Variants in SLC9A2 observed in about 807,000 individuals in gnomAD.
SLC9A2 encodes the protein sodium/hydrogen exchanger 2.
A neutral mutation model predicts 71.7 loss-of-function variants in SLC9A2; 42 were observed. The ratio of observed to expected loss-of-function variants is 0.59; its 90% CI spans 0.46 to 0.76. The LOEUF (loss-of-function observed/expected upper bound fraction) is 0.76, where lower values mean the gene tolerates loss of function less well. SLC9A2 is among the 30% of genes least tolerant of loss of function. The probability of loss-of-function intolerance (pLI) is 0.00; values close to 1 mark genes in which losing one functional copy is unlikely to be tolerated. For synonymous variants in SLC9A2, 396 were observed against 392.5 expected (o/e 1.01, Z -0.10); for missense variants, 829 against 1,017.4 (o/e 0.81, Z 2.52).
chr2:102,686,163 C>T (rs1296291063), intron 5 of SLC9A2, among the ~76,000 whole-genome samples: 1 of 152,154 alleles, frequency 6.6e-6, no homozygotes, highest in African/African-American at 2.4e-5. Flanking sequence ...ATTCATTTAA[C>T]CCTCATAACA....
intron 7 of SLC9A2, among the ~76,000 whole-genome samples, chr2:102,696,623 G>A (rs1290379486): frequency 6.6e-6 from 1 of 152,198 alleles, no homozygotes; most frequent in Non-Finnish European, 1.5e-5. Flanking sequence ...GGGTGTGTGA[G>A]AGAGAGACCA....
At chr2:102,661,108 T>A (rs1268559023) in intron 2 of SLC9A2, among the ~76,000 whole-genome samples, 1 of 152,100 alleles carries the variant, frequency 6.6e-6, no homozygotes, top group African/African-American at 2.4e-5. Flanking sequence ...TTGAAAAAAA[T>A]AAACGTGTGA....
chr2:102,669,563 G>T (rs575648220), intron 3 of SLC9A2, among the ~76,000 whole-genome samples: 1 of 152,228 alleles, frequency 6.6e-6, no homozygotes, highest in East Asian at 1.9e-4. Flanking sequence ...CAATAGCATT[G>T]GACACCTTTG....
Position 102,672,232 on chromosome 2 carries a change from T to C in SLC9A2, c.1004+6882T>C, listed in dbSNP as rs967327214. On this transcript the variant is annotated intron_variant, in intron 3 of 11. Coordinates refer to ENST00000233969, the MANE Select transcript of SLC9A2 (RefSeq NM_003048.6). ...TACTGATTTGATGTTGAAATGACAA[T>C]GTATTAGACATGTTGAGTTACATAA... Among the ~76,000 whole-genome samples the C allele has an allele frequency of 6.6e-5, 10 of 152,190 alleles. 1 individual carries two copies. The highest frequency in any genetic ancestry group is 1.9e-4 in the East Asian group (1 of 5,198).
intron 1 of SLC9A2, among the ~76,000 whole-genome samples, chr2:102,632,351 GAGACTTAAGCC>G (rs1676391620): frequency 6.7e-6 from 1 of 149,178 alleles, no homozygotes; most frequent in Non-Finnish European, 1.5e-5. Flanking sequence ...TACAGCAAAA[GAGACTTAAGCC>G]AAGAGAAGCA....
chr2:102,658,572 T>C (rs948798510), intron 2 of SLC9A2, among the ~76,000 whole-genome samples: 2 of 151,506 alleles, frequency 1.3e-5, no homozygotes, highest in Non-Finnish European at 1.5e-5. Context: ...TGTCACACGC[T>C]CACTGCTCAC....
At chr2:102,665,901 T>G (rs2104526371) in intron 3 of SLC9A2, among the ~76,000 whole-genome samples, 1 of 151,972 alleles carries the variant, frequency 6.6e-6, no homozygotes, top group Non-Finnish European at 1.5e-5. Context: ...TTAAACATTC[T>G]TCTGGGTCTC....
chr2:102,687,988 C>A (rs1326510086), intron 5 of SLC9A2, among the ~76,000 whole-genome samples: 1 of 152,046 alleles, frequency 6.6e-6, no homozygotes, highest in African/African-American at 2.4e-5. Context: ...CTGTGTTCGC[C>A]AGGCTGGTCT....
chr2:102,684,476 G>T (rs1442800255), intron 5 of SLC9A2, 140 bp downstream of exon 5: 2 of 804,450 alleles, frequency 2.5e-6, no homozygotes, highest in Non-Finnish European at 4.1e-6. Context: ...TCCTGTCTGG[G>T]TTCATGTCAC....
chr2:102,701,148 A>G lies in SLC9A2; in HGVS notation c.1665A>G (p.Leu555=). ...AACCAAAGTCAAGTATTGTATCTTT[A>G]TATAAAAAGCTTGAAATAAAACATG... ...ENQPKSSIVS[L]YKKLEIKHAI... is the part of the protein sequence containing the mutation. Residue 555 remains leucine (L), a synonymous_variant, in exon 8 of 12, where the codon TTA becomes TTG. Coordinates refer to ENST00000233969, the MANE Select transcript of SLC9A2 (RefSeq NM_003048.6). 1 of 1,611,796 alleles carries G rather than the reference A, an allele frequency of 6.2e-7. No individual in the cohort carries two copies. Among genetic ancestry groups the G allele is most frequent in the Non-Finnish European group, 8.5e-7 (1 of 1,178,904 alleles).
At chr2:102,652,071 T>C (rs1037060874) in intron 1 of SLC9A2, among the ~76,000 whole-genome samples, 4 of 152,188 alleles carry the variant, frequency 2.6e-5, no homozygotes, top group African/African-American at 4.8e-5. Context: ...CATTTGAAAG[T>C]TGGGCTGTTC....
At chr2:102,639,420 G>A (rs1404716713) in intron 1 of SLC9A2, among the ~76,000 whole-genome samples, 2 of 152,118 alleles carry the variant, frequency 1.3e-5, no homozygotes, top group East Asian at 1.9e-4. Context: ...AACATTTGTC[G>A]AGTTGCCTTT....
intron 1 of SLC9A2, among the ~76,000 whole-genome samples, chr2:102,627,232 G>A (rs1173579509): frequency 6.6e-6 from 1 of 152,178 alleles, no homozygotes; most frequent in Non-Finnish European, 1.5e-5. Context: ...AGGATCACTT[G>A]AGCTCAGGAG....
intron 3 of SLC9A2, 126 bp downstream of exon 3, chr2:102,665,476 T>C (rs1413183626): frequency 1.1e-5 from 13 of 1,170,598 alleles, no homozygotes; most frequent in Non-Finnish European, 1.4e-5. Context: ...TTAAGAAAAA[T>C]TAAAAATAGA....
At chr2:102,630,790 G>A (rs1676341282) in intron 1 of SLC9A2, among the ~76,000 whole-genome samples, 1 of 151,628 alleles carries the variant, frequency 6.6e-6, no homozygotes, top group East Asian at 1.9e-4. Context: ...TCATGCTGTT[G>A]CATTACGTAA....
intron 1 of SLC9A2, among the ~76,000 whole-genome samples, chr2:102,635,509 T>C (rs1023227869): frequency 2.6e-5 from 4 of 152,246 alleles, no homozygotes; most frequent in African/African-American, 9.6e-5. Context: ...TTTGCTTTCT[T>C]CTGAGCTGTC....
At chr2:102,650,453 G>A (rs547151620) in intron 1 of SLC9A2, among the ~76,000 whole-genome samples, 2 of 152,102 alleles carry the variant, frequency 1.3e-5, no homozygotes, top group South Asian at 4.2e-4. Flanking sequence ...TAACAAACCT[G>A]CACCTTCTGC....
chr2:102,636,414 G>A (rs764628938), intron 1 of SLC9A2, among the ~76,000 whole-genome samples: 1 of 152,154 alleles, frequency 6.6e-6, no homozygotes, highest in Non-Finnish European at 1.5e-5. Flanking sequence ...AATGAAATCA[G>A]GTAGCAATTA....
intron 7 of SLC9A2, among the ~76,000 whole-genome samples, chr2:102,700,852 C>T (rs2104553599): frequency 6.6e-6 from 1 of 151,764 alleles, no homozygotes; most frequent in East Asian, 1.9e-4. Context: ...TATACATACA[C>T]ATACATATAC....
Sources: gnomAD v4.1 joint callset for allele counts (sites outside exome capture counted in the v4.1 genomes callset) on GRCh38, gnomAD v4.1.1 for gene constraint, MANE v1.5 for transcripts, NCBI Gene and HGNC (gene_info 2026-07-23, HGNC 2026-07-21) for gene names.